TAFA5: variants seen among roughly 807,000 people sequenced by gnomAD.
The protein encoded by TAFA5 is chemokine-like protein TAFA-5.
Under a neutral mutation model 15.3 loss-of-function variants are expected in TAFA5, and 6 were observed. The observed-to-expected ratio is 0.39, with a 90% CI of 0.21 to 0.77. The LOEUF (loss-of-function observed/expected upper bound fraction) is 0.77. Ranked by LOEUF, TAFA5 falls within the 30% of genes least tolerant of loss-of-function variation. TAFA5 has a pLI of 0.41. For synonymous variants in TAFA5, 103 were observed against 80.7 expected, an observed-to-expected ratio of 1.28 and a Z score of -1.48; for missense variants, 161 against 193.1, an observed-to-expected ratio of 0.83 and a Z score of 0.98.
At chr22:48,579,560 G>A (rs1385802186) in intron 1 of TAFA5, among the ~76,000 whole-genome samples, 2 of 152,232 alleles carry the variant, frequency 1.3e-5, no homozygotes, top group African/African-American at 4.8e-5. Flanking sequence ...CGAGAGGGAA[G>A]CCAGCACTTT....
At chr22:48,578,016 T>C (rs1331056720) in intron 1 of TAFA5, among the ~76,000 whole-genome samples, 1 of 152,240 alleles carries the variant, frequency 6.6e-6, no homozygotes, top group African/African-American at 2.4e-5. Flanking sequence ...TGGTGTCGCG[T>C]GTCAGGACTG....
chr22:48,733,678 T>C (rs1023047085), intron 3 of TAFA5, among the ~76,000 whole-genome samples: 10 of 152,136 alleles, frequency 6.6e-5, no homozygotes, highest in African/African-American at 2.4e-4. Context: ...TTGTATCCAA[T>C]GTTAAAGTTT....
chr22:48,700,198 C>T (rs780591142), intron 2 of TAFA5, among the ~76,000 whole-genome samples: 9 of 152,168 alleles, frequency 5.9e-5, no homozygotes, highest in Non-Finnish European at 1.3e-4. Context: ...GTCAATGTTC[C>T]AGAACAAGTA....
At chr22:48,502,373 TG>T (rs1442876300) in intron 1 of TAFA5, among the ~76,000 whole-genome samples, 8 of 151,286 alleles carry the variant, frequency 5.3e-5, no homozygotes, top group Admixed American at 3.3e-4. Flanking sequence ...AAAGCATGCC[TG>T]GGGCCCGATG....
intron 2 of TAFA5, among the ~76,000 whole-genome samples, chr22:48,704,639 C>T (rs902737771): frequency 6.6e-6 from 1 of 151,586 alleles, no homozygotes; most frequent in African/African-American, 2.4e-5. Flanking sequence ...CCTATCCCCA[C>T]GTGCCATGTT....
intron 2 of TAFA5, among the ~76,000 whole-genome samples, chr22:48,698,183 T>C (rs992905785): frequency 6.7e-6 from 1 of 149,912 alleles, no homozygotes; most frequent in Non-Finnish European, 1.5e-5. Flanking sequence ...ATGATGGTGG[T>C]GATGATGATG....
Position 48,598,775 on chromosome 22 carries a change from C to T in TAFA5, c.113-47822C>T, listed in dbSNP as rs991442779. Among the ~76,000 whole-genome samples the T allele has an allele frequency of 8.5e-5, 13 of 152,326 alleles. No homozygotes were observed. Among genetic ancestry groups the T allele is most frequent in the East Asian group, 7.7e-4 (4 of 5,178 alleles). On this transcript the variant is annotated intron_variant, in intron 1 of 3. Coordinates refer to ENST00000402357, the MANE Select transcript of TAFA5 (RefSeq NM_001082967.3). This position sits in a 1 kb window ranked among gnomAD's most constrained non-coding sequence, Gnocchi z 4.0. ...CCCACCGAGGAAGGGCTCGGTCCCACAAGACTGCTCCCCCTTCAGATACCA... is the reference window on the plus strand; with the variant it reads ...CCCACCGAGGAAGGGCTCGGTCCCATAAGACTGCTCCCCCTTCAGATACCA...
At chr22:48,517,019 G>T (rs1921431610) in intron 1 of TAFA5, among the ~76,000 whole-genome samples, 1 of 152,172 alleles carries the variant, frequency 6.6e-6, no homozygotes, top group African/African-American at 2.4e-5. Flanking sequence ...GGCATCTAGT[G>T]CAGCCACCAT....
At chr22:48,524,156 C>T (rs1447342022) in intron 1 of TAFA5, among the ~76,000 whole-genome samples, 1 of 152,196 alleles carries the variant, frequency 6.6e-6, no homozygotes, top group Non-Finnish European at 1.5e-5. Flanking sequence ...GCCAGTTTTC[C>T]TTTGTGCGGC....
intron 1 of TAFA5, among the ~76,000 whole-genome samples, chr22:48,504,913 C>T (rs1920978989): frequency 6.6e-6 from 1 of 152,180 alleles, no homozygotes; most frequent in Non-Finnish European, 1.5e-5. Context: ...GCCACACACC[C>T]CACCCTGCCC....
At chr22:48,501,886 G>A (rs1920954283) in intron 1 of TAFA5, among the ~76,000 whole-genome samples, 1 of 152,214 alleles carries the variant, frequency 6.6e-6, no homozygotes, top group African/African-American at 2.4e-5. Flanking sequence ...ATGGTCTTCT[G>A]AAACAGCAGG....
chr22:48,652,203 G>A (rs542334976), intron 2 of TAFA5, among the ~76,000 whole-genome samples: 6 of 152,256 alleles, frequency 3.9e-5, no homozygotes, highest in African/African-American at 1.2e-4. Context: ...CACCAGGAGC[G>A]ACGTGAATCA....
chr22:48,600,964 G>T (rs1265192042), intron 1 of TAFA5, among the ~76,000 whole-genome samples: 1 of 152,192 alleles, frequency 6.6e-6, no homozygotes, highest in African/African-American at 2.4e-5. Context: ...CCGCGGTCAC[G>T]GTGCTCACGT....
intron 1 of TAFA5, among the ~76,000 whole-genome samples, chr22:48,610,798 C>T (rs147480704): frequency 2.6e-3 from 398 of 152,294 alleles, no homozygotes; most frequent in Middle Eastern, 0.01. Context: ...TGAATGCAGC[C>T]GAGCTGTCCC....
intron 3 of TAFA5, among the ~76,000 whole-genome samples, chr22:48,708,169 G>A (rs1010312467): frequency 1.3e-5 from 2 of 152,182 alleles, no homozygotes; most frequent in African/African-American, 4.8e-5. Flanking sequence ...GGACTGATGT[G>A]CCCGTGATTT....
At chr22:48,618,473 G>A (rs751398725) in intron 1 of TAFA5, among the ~76,000 whole-genome samples, 5 of 152,234 alleles carry the variant, frequency 3.3e-5, no homozygotes, top group East Asian at 1.9e-4. Context: ...TAAAGTTGCC[G>A]GGGATGGCTT....
intron 1 of TAFA5, among the ~76,000 whole-genome samples, chr22:48,641,710 C>G (rs1367982597): frequency 6.6e-6 from 1 of 151,984 alleles, no homozygotes; most frequent in Non-Finnish European, 1.5e-5. Flanking sequence ...ACTGGGAGCC[C>G]TCGGAGGCCC....
At chr22:48,562,968 C>T (rs1923288498) in intron 1 of TAFA5, among the ~76,000 whole-genome samples, 3 of 152,218 alleles carry the variant, frequency 2.0e-5, no homozygotes, top group Admixed American at 2.0e-4. Context: ...CACTGGAGGC[C>T]CTGGCGGAGC....
intron 2 of TAFA5, among the ~76,000 whole-genome samples, chr22:48,700,694 C>T (rs1043857680): frequency 5.3e-5 from 8 of 152,120 alleles, no homozygotes; most frequent in Non-Finnish European, 1.0e-4. Context: ...GGGCAGGGCT[C>T]GTCCTGTCTG....
Sources: gnomAD v4.1 joint callset for allele counts (sites outside exome capture counted in the v4.1 genomes callset) on GRCh38, gnomAD v4.1.1 for gene constraint, Gnocchi (gnomAD v3.1) non-coding constraint, MANE v1.5 for transcripts, NCBI Gene and HGNC (gene_info 2026-07-23, HGNC 2026-07-21) for gene names.